Variants in PDGFA observed in about 807,000 individuals in gnomAD.
PDGFA encodes platelet-derived growth factor subunit A.
PDGFA carries 9 observed loss-of-function variants against 25.6 expected under a neutral mutation model. The ratio of observed to expected loss-of-function variants is 0.35; its 90% CI spans 0.21 to 0.61. PDGFA has a LOEUF of 0.61. Among genes scored for constraint, PDGFA ranks in the 20% least tolerant of loss-of-function variants. The probability of loss-of-function intolerance (pLI) is 0.75; values close to 1 mark genes in which losing one functional copy is unlikely to be tolerated. For synonymous variants in PDGFA, 133 were observed against 111.8 expected, an observed-to-expected ratio of 1.19 and a Z score of -1.20; for missense variants, 242 against 272.8, an observed-to-expected ratio of 0.89 and a Z score of 0.79.
intron 3 of PDGFA, among the ~76,000 whole-genome samples, chr7:512,046 C>A (rs970445472): frequency 2.0e-5 from 3 of 152,210 alleles, no homozygotes; most frequent in Non-Finnish European, 4.4e-5. Flanking sequence ...CAAGACAGGG[C>A]GCTTAAGGAA....
At chr7:514,582 G>A (rs1783003150) in intron 2 of PDGFA, among the ~76,000 whole-genome samples, 1 of 152,226 alleles carries the variant, frequency 6.6e-6, no homozygotes, top group South Asian at 2.1e-4. Context: ...TAACCAGGAG[G>A]CTTTCCCTTT....
chr7:501,688 G>T (rs1034115442), intron 4 of PDGFA, among the ~76,000 whole-genome samples: 83 of 152,280 alleles, frequency 5.5e-4, no homozygotes, highest in African/African-American at 2.0e-3. Flanking sequence ...CTCCCAAAGT[G>T]CTGGAACTTC....
In PDGFA at chr7:512,337, C is replaced by A; in HGVS notation, c.265+14G>T. ...CCCGGCCCTGCCCTGCCCATCGCGG[C>A]CTCCTGGACTCACCGATGCTTCTCT... On this transcript the variant is annotated intron_variant, in intron 3 of 5. Coordinates refer to ENST00000402802, the Ensembl canonical transcript of PDGFA. 1 of 1,604,644 alleles carries A rather than the reference C, an allele frequency of 6.2e-7. No homozygotes were observed. Among genetic ancestry groups the A allele is most frequent in the African/African-American group, 1.3e-5 (1 of 74,566 alleles).
At chr7:519,011 AG>A in exon 1 of PDGFA, 1 of 1,527,480 alleles carries the variant, frequency 6.5e-7, no homozygotes, top group South Asian at 1.2e-5. Flanking sequence ...TCGCGTCCCG[AG>A]GCGCTGGCTG....
intron 4 of PDGFA, among the ~76,000 whole-genome samples, chr7:508,430 G>C (rs1488290053): frequency 6.6e-6 from 1 of 151,644 alleles, no homozygotes; most frequent in African/African-American, 2.4e-5. Context: ...AGCCAGGCAT[G>C]GTGGCATGCA....
chr7:497,868 T>A (rs376006630), exon 6 of PDGFA: 4 of 3,250 alleles, frequency 1.2e-3, no homozygotes, highest in Non-Finnish European at 2.6e-3. Flanking sequence ...CAAGAGATAA[T>A]TAAAAAAAAA....
chr7:500,983 A>G lies in PDGFA; in HGVS notation c.580+133T>C. On this transcript the variant is annotated intron_variant, in intron 5 of 5. Transcript: ENST00000402802. The surrounding 1 kb of genome is among the most constrained non-coding windows in gnomAD (Gnocchi z 5.0). Reference sequence around the variant, plus strand: ...CAGGCATCTGGCCCGGGAGCAGGGCAACGAATCCTTCAACAGCAGCCCAGA... The same window carrying G: ...CAGGCATCTGGCCCGGGAGCAGGGCGACGAATCCTTCAACAGCAGCCCAGA... 1 of 1,600,546 alleles carries G rather than the reference A, an allele frequency of 6.2e-7. No homozygotes were observed. Among genetic ancestry groups the G allele is most frequent in the South Asian group, 1.1e-5 (1 of 90,296 alleles).
chr7:510,788 G>A, intron 4 of PDGFA, 21 bp downstream of exon 4: 5 of 1,202,240 alleles, frequency 4.2e-6, no homozygotes, highest in East Asian at 2.8e-5. Context: ...GGAGGGGAGG[G>A]GAGGGGAGGG....
chr7:512,243 T>C, intron 3 of PDGFA, 108 bp downstream of exon 3: 1 of 1,075,800 alleles, frequency 9.3e-7, no homozygotes, highest in Non-Finnish European at 1.3e-6. Flanking sequence ...GCCACTGCGC[T>C]GGGAGAGCGG....
rs1303403435 is a variant in PDGFA, at chr7:517,100, CG to C, written c.160+293del. On this transcript the variant is annotated intron_variant, in intron 2 of 5. Coordinates refer to ENST00000402802, the Ensembl canonical transcript of PDGFA. This position sits in a 1 kb window ranked among gnomAD's most constrained non-coding sequence, Gnocchi z 7.4. The stretch of plus-strand genomic sequence containing the variant: ...CGCTCCCCCGGCCCGAGGGCAGGCG[CG>C]GGGCCCGCACACCTGGCGGAGGCCG... 6.6e-6 allele frequency among the ~76,000 whole-genome samples: 1 copy of C among 151,468 alleles called. No individual in the cohort carries two copies. Among genetic ancestry groups the C allele is most frequent in the Non-Finnish European group, 1.5e-5 (1 of 67,810 alleles).
At chr7:510,857 C>G in exon 4 of PDGFA, 3 of 1,609,906 alleles carry the variant, frequency 1.9e-6, no homozygotes, top group Non-Finnish European at 2.5e-6. Flanking sequence ...TGACACTGCT[C>G]GTGTTGCAGC....
At chr7:497,959 C>CAAACAA (rs1782149409) in exon 6 of PDGFA, 1 of 56,688 alleles carries the variant, frequency 1.8e-5, no homozygotes, top group African/African-American at 7.6e-5. Context: ...AAAAAAAAAA[C>CAAACAA]AAAAAAAAAA....
intron 4 of PDGFA, among the ~76,000 whole-genome samples, chr7:501,953 G>A (rs555051168): frequency 6.6e-6 from 1 of 152,260 alleles, no homozygotes; most frequent in Admixed American, 6.5e-5. Flanking sequence ...GGCTGAGCAT[G>A]GTGGCTCACG....
At chr7:518,792 G>GA (rs1783225751) in intron 1 of PDGFA, 147 bp downstream of exon 1, 4 of 531,026 alleles carry the variant, frequency 7.5e-6, no homozygotes, top group Non-Finnish European at 1.3e-5. Context: ...AGGCATGGCA[G>GA]AAAATAGAAC....
Position 500,881 on chromosome 7 carries a change from T to G in PDGFA, c.580+235A>C. ...CCAGCCCCTCTCAGTGAGACCTGAA[T>G]CTCCTCTCCTGCCAGTGCCGCAGCT... On this transcript the variant is annotated intron_variant, in intron 5 of 5. Coordinates refer to ENST00000402802, the Ensembl canonical transcript of PDGFA. This position sits in a 1 kb window ranked among gnomAD's most constrained non-coding sequence, Gnocchi z 5.0. The G allele has an allele frequency of 6.4e-7, 1 of 1,566,464 alleles. No homozygotes were observed. The highest frequency in any genetic ancestry group is 1.3e-5 in the African/African-American group (1 of 74,192).
chr7:499,626 G>T (rs1782235864), intron 5 of PDGFA, among the ~76,000 whole-genome samples: 1 of 148,650 alleles, frequency 6.7e-6, no homozygotes, highest in Non-Finnish European at 1.5e-5. Context: ...CATTTCCCAA[G>T]CTCCCTTGCA....
intron 5 of PDGFA, among the ~76,000 whole-genome samples, chr7:499,200 G>C (rs1421070016): frequency 1.3e-5 from 2 of 152,186 alleles, no homozygotes; most frequent in Admixed American, 1.3e-4. Flanking sequence ...TGTAGAAATG[G>C]GACCCACAGG....
At position 500,517 on chromosome 7, in the gene PDGFA, G is replaced by C. The variant is rs770012667; in HGVS notation, c.580+599C>G. ...AGGCCTTCCTGTTAACAAAAGGGCA[G>C]GGCGGTGAGTGGGCCGAGGGACGGC... On this transcript the variant is annotated intron_variant, in intron 5 of 5. Transcript: ENST00000402802. This position sits in a 1 kb window ranked among gnomAD's most constrained non-coding sequence, Gnocchi z 5.0. The C allele has an allele frequency of 6.2e-6, 10 of 1,613,938 alleles. 1 individual carries two copies. Among genetic ancestry groups the C allele is most frequent in the Non-Finnish European group, 7.6e-6 (9 of 1,180,016 alleles).
Position 500,499 on chromosome 7 carries a change from C to T in PDGFA, c.580+617G>A. ...TTTTTTACCTGACTCCCTAGGCCTT[C>T]CTGTTAACAAAAGGGCAGGGCGGTG... On this transcript the variant is annotated intron_variant, in intron 5 of 5. Transcript: ENST00000402802. This position sits in a 1 kb window ranked among gnomAD's most constrained non-coding sequence, Gnocchi z 5.0. 6.2e-7 allele frequency: 1 copy of T among 1,614,048 alleles called. No individual in the cohort carries two copies. Among genetic ancestry groups the T allele is most frequent in the Non-Finnish European group, 8.5e-7 (1 of 1,180,018 alleles).
Sources: gnomAD v4.1 joint callset for allele counts (sites outside exome capture counted in the v4.1 genomes callset) on GRCh38, gnomAD v4.1.1 for gene constraint, Gnocchi (gnomAD v3.1) non-coding constraint, MANE v1.5 for transcripts, NCBI Gene and HGNC (gene_info 2026-07-23, HGNC 2026-07-21) for gene names.